The following GPATCH1 variants were observed in gnomAD, a reference collection of about 807,000 sequenced individuals.
GPATCH1 encodes the protein G patch domain-containing protein 1.
GPATCH1 carries 73 observed loss-of-function variants against 114.9 expected under a neutral mutation model. The ratio of observed to expected loss-of-function variants is 0.64; its 90% confidence interval spans 0.53 to 0.77. GPATCH1 has a LOEUF of 0.77. Among genes scored for constraint, GPATCH1 ranks in the 30% least tolerant of loss-of-function variants. GPATCH1 has a pLI of 0.00. For missense variants in GPATCH1, 1,058 were observed against 1,144.3 expected, an observed-to-expected ratio of 0.92 and a Z score of 1.09; for synonymous variants, 391 against 428.4, an observed-to-expected ratio of 0.91 and a Z score of 1.08.
chr19:33,087,954 A>G (rs1286245340), intron 1 of GPATCH1, among the ~76,000 whole-genome samples, 180 bp from the exon 2 acceptor site: 1 of 152,108 alleles, frequency 6.6e-6, no homozygotes, highest in Non-Finnish European at 1.5e-5. Context: ...AGCTTATAAA[A>G]TATATTGTTT....
chr19:33,082,448 C>T (rs1972488812), intron 1 of GPATCH1, among the ~76,000 whole-genome samples: 1 of 152,126 alleles, frequency 6.6e-6, no homozygotes, highest in Non-Finnish European at 1.5e-5. Flanking sequence ...GTTGATTGTA[C>T]TTCTGGGATA....
At chr19:33,121,692 A>G (rs1413178420) in intron 17 of GPATCH1, among the ~76,000 whole-genome samples, 2 of 152,138 alleles carry the variant, frequency 1.3e-5, no homozygotes, top group East Asian at 1.9e-4. Context: ...AATACAATCT[A>G]TCCCCCATTC....
At chr19:33,116,593 G>A (rs1001841254) in intron 15 of GPATCH1, among the ~76,000 whole-genome samples, 2 of 152,138 alleles carry the variant, frequency 1.3e-5, no homozygotes, top group Admixed American at 6.5e-5. Context: ...GCAGTGGCGC[G>A]ATCTCAGCTC....
chr19:33,110,900 G>A (rs889496648), intron 11 of GPATCH1, among the ~76,000 whole-genome samples: 2 of 150,780 alleles, frequency 1.3e-5, no homozygotes, highest in African/African-American at 2.4e-5. Context: ...GATGAGGATC[G>A]CTTTAGCCTA....
At chr19:33,124,783 A>G (rs1973021501) in intron 17 of GPATCH1, among the ~76,000 whole-genome samples, 1 of 152,098 alleles carries the variant, frequency 6.6e-6, no homozygotes, top group Non-Finnish European at 1.5e-5. Flanking sequence ...AGCTTATCTG[A>G]TGATGTTGGA....
At chr19:33,105,973 C>T (rs776342470) in intron 9 of GPATCH1, among the ~76,000 whole-genome samples, 2 of 151,834 alleles carry the variant, frequency 1.3e-5, no homozygotes, top group East Asian at 1.9e-4. Flanking sequence ...TCAGCACCCC[C>T]GAGTAGCTGA....
chr19:33,082,489 A>G (rs1972489304), intron 1 of GPATCH1, among the ~76,000 whole-genome samples: 1 of 152,110 alleles, frequency 6.6e-6, no homozygotes, highest in African/African-American at 2.4e-5. Context: ...ATTTCCTACA[A>G]ACAGTTCTGG....
chr19:33,087,896 G>A (rs1972550208), intron 1 of GPATCH1, among the ~76,000 whole-genome samples: 2 of 151,746 alleles, frequency 1.3e-5, no homozygotes, highest in African/African-American at 4.8e-5. Flanking sequence ...TGTTGACCAG[G>A]TTTTGTAATG....
At chr19:33,120,269 A>T (rs1972965642) in intron 17 of GPATCH1, among the ~76,000 whole-genome samples, 1 of 68,484 alleles carries the variant, frequency 1.5e-5, no homozygotes, top group African/African-American at 1.2e-4. Flanking sequence ...TTTTATATAT[A>T]ACAATTATAT....
At chr19:33,130,072 GT>G in intron 19 of GPATCH1, 57 bp from the exon 20 acceptor site, 1 of 1,333,506 alleles carries the variant, frequency 7.5e-7, no homozygotes, top group Non-Finnish European at 1.0e-6. Context: ...CCACGGAGCT[GT>G]TTGGTTTTTC....
chr19:33,087,242 A>G (rs925022135), intron 1 of GPATCH1, among the ~76,000 whole-genome samples: 4 of 152,108 alleles, frequency 2.6e-5, no homozygotes, highest in Admixed American at 6.6e-5. Context: ...ACTTTTGAAA[A>G]TAACTTGATT....
chr19:33,121,400 A>C (rs906579906), intron 17 of GPATCH1, among the ~76,000 whole-genome samples: 2 of 148,800 alleles, frequency 1.3e-5, no homozygotes, highest in African/African-American at 5.0e-5. Context: ...GCTCACCGCA[A>C]CCTCCACCTC....
intron 17 of GPATCH1, among the ~76,000 whole-genome samples, chr19:33,120,087 T>C (rs1180980617): frequency 1.4e-5 from 2 of 140,316 alleles, no homozygotes; most frequent in Admixed American, 7.3e-5. Flanking sequence ...TAAATTTAAA[T>C]ATTTAAAATA....
intron 17 of GPATCH1, among the ~76,000 whole-genome samples, chr19:33,120,275 T>TATATATAAAAATTATATAAA (rs1555721448): frequency 0.14 from 19,456 of 140,306 alleles, 1,699 homozygotes; most frequent in Admixed American, 0.27. Flanking sequence ...ATATAACAAT[T>TATATATAAAAATTATATAAA]ATATATAAAA....
chr19:33,102,379 T>TA (rs1050115313), intron 9 of GPATCH1, among the ~76,000 whole-genome samples: 1 of 147,026 alleles, frequency 6.8e-6, no homozygotes, highest in Admixed American at 7.0e-5. Flanking sequence ...TACATTGTGA[T>TA]AAAAATATCT....
chr19:33,100,767 C>T (rs1385670530), intron 8 of GPATCH1, among the ~76,000 whole-genome samples: 1 of 149,256 alleles, frequency 6.7e-6, no homozygotes, highest in Non-Finnish European at 1.5e-5. Flanking sequence ...TTTTGATGGT[C>T]ATGTAGAAGG....
rs751934520 is a variant in GPATCH1, at chr19:33,119,104, C to T, written c.2508C>T (p.Pro836=). The T allele has an allele frequency of 3.9e-5, 62 of 1,602,466 alleles. No homozygotes were observed. Among genetic ancestry groups the T allele is most frequent in the African/African-American group, 1.1e-4 (8 of 74,650 alleles). Residue 836 remains proline, a synonymous_variant, in exon 17 of 20, where the codon CCC becomes CCT. Coordinates refer to ENST00000170564, the MANE Select transcript of GPATCH1 (RefSeq NM_018025.3). ...AAGAGTTCGGCCCGCGGCTGCCTCCCGTCTTCTGCCCCAGTGAGTGCAGAG... is the reference window on the plus strand; with the variant it reads ...AAGAGTTCGGCCCGCGGCTGCCTCCTGTCTTCTGCCCCAGTGAGTGCAGAG... The part of the protein sequence containing the change: ...EREEFGPRLP[P]VFCPNARQTL...
intron 6 of GPATCH1, 104 bp from the exon 7 acceptor site, chr19:33,096,103 A>G: frequency 8.4e-7 from 1 of 1,197,538 alleles, no homozygotes; most frequent in Non-Finnish European, 1.2e-6. Flanking sequence ...AAAGTTTGCT[A>G]ATTGTTCTGT....
chr19:33,119,301 A>G (rs369543980), intron 17 of GPATCH1, among the ~76,000 whole-genome samples, 184 bp downstream of exon 17: 1 of 152,208 alleles, frequency 6.6e-6, no homozygotes, highest in Non-Finnish European at 1.5e-5. Flanking sequence ...ATACACCTTC[A>G]GAGACCTCCA....
Sources: gnomAD v4.1 joint callset for allele counts (sites outside exome capture counted in the v4.1 genomes callset) on GRCh38, gnomAD v4.1.1 for gene constraint, MANE v1.5 for transcripts, NCBI Gene and HGNC (gene_info 2026-07-23, HGNC 2026-07-21) for gene names.